TRIP10: variants seen among roughly 807,000 people sequenced by gnomAD.
The protein encoded by TRIP10 is cdc42-interacting protein 4.
Under a neutral mutation model 80.9 loss-of-function variants are expected in TRIP10, and 54 were observed. That is an observed-to-expected ratio of 0.67 (90% CI 0.54 to 0.84). The LOEUF is 0.84. Among genes scored for constraint, TRIP10 ranks in the 40% least tolerant of loss-of-function variants. The probability of loss-of-function intolerance (pLI) is 0.00; values close to 1 mark genes in which losing one functional copy is unlikely to be tolerated. For missense variants in TRIP10, 773 were observed against 815.3 expected, an observed-to-expected ratio of 0.95 and a Z score of 0.63; for synonymous variants, 321 against 307.2, an observed-to-expected ratio of 1.04 and a Z score of -0.47.
chr19:6,750,388 C>A lies in TRIP10; in HGVS notation c.1492C>A (p.Pro498Thr). The A allele has an allele frequency of 3.7e-6, 6 of 1,614,122 alleles. No homozygotes were observed. The highest frequency in any genetic ancestry group is 4.2e-6 in the Non-Finnish European group (5 of 1,180,014). Residue 498 changes from proline to threonine, a missense_variant, in exon 13 of 15, where the codon CCA (proline) becomes ACA (threonine). Physicochemically the swap from Pro to Thr is conservative, Grantham distance 38. Transcript: ENST00000313244. ...RPPDPPASAP[P>T]DSSSNSASQD... ...TCCCGACCCCCCCGCTAGCGCCCCG[C>A]CAGACAGCAGCAGCAACAGCGCATC...
At position 6,751,206 on chromosome 19, in the gene TRIP10, A is replaced by G; in HGVS notation, c.1801A>G (p.Asn601Asp). ...VPTSYLRVTLN is the reference protein window; with the variant it reads ...VPTSYLRVTLD ...CACCTCCTACCTCCGAGTCACGCTC[A>G]ATTGAACCCTGCCAGAGACGGGAAG... The change falls in exon 15 of 15, where the codon AAT (asparagine) becomes GAT (aspartate). Residue 601 changes from asparagine (N) to aspartate (D), a missense_variant. Asn to Asp is a conservative substitution (Grantham distance 23). Coordinates refer to ENST00000313244, the MANE Select transcript of TRIP10 (RefSeq NM_001288962.2). 1 of 1,613,948 alleles carries G rather than the reference A, an allele frequency of 6.2e-7. No individual in the cohort carries two copies. Among genetic ancestry groups the G allele is most frequent in the South Asian group, 1.1e-5 (1 of 91,064 alleles).
At chr19:6,743,992 C>A in intron 7 of TRIP10, 156 bp downstream of exon 7, 1 of 1,006,080 alleles carries the variant, frequency 9.9e-7, no homozygotes, top group Non-Finnish European at 1.5e-6. Context: ...TTTTAGTCAG[C>A]TGTTCTTCCT....
chr19:6,748,772 G>C (rs1016805924), intron 11 of TRIP10: 1 of 152,146 alleles, frequency 6.6e-6, no homozygotes, highest in Admixed American at 6.6e-5. Flanking sequence ...CAGCCTGGGC[G>C]ACAGAGTGAG....
rs528468677 is a variant in TRIP10, at chr19:6,751,383, T to C, written c.*172T>C. The C allele has an allele frequency of 1.0e-5, 14 of 1,375,972 alleles. No homozygotes were observed. The African/African-American group carries it at 1.8e-4, about 18-fold the overall frequency. 85.2% of individuals were successfully genotyped at this position (1,375,972 alleles called of 1,614,324 possible). On this transcript the variant is annotated 3_prime_UTR_variant, in exon 15 of 15. Coordinates refer to ENST00000313244, the MANE Select transcript of TRIP10 (RefSeq NM_001288962.2). Reference sequence around the variant, plus strand: ...TACCTGTCACACCGGACGGACCCGCTGTGCCTTCTACCATCGTTCCACCAT... The same window carrying C: ...TACCTGTCACACCGGACGGACCCGCCGTGCCTTCTACCATCGTTCCACCAT...
In TRIP10 at chr19:6,746,390, G is replaced by A; in HGVS notation, c.1153-62G>A. On this transcript the variant is annotated intron_variant, in intron 10 of 14. Transcript: ENST00000313244. This position sits in a 1 kb window ranked among gnomAD's most constrained non-coding sequence, Gnocchi z 6.2. ...GGAAGGGAGTGAAATATCTCAGACG[G>A]GTGCAGAGTCTGGCAGGCTAGACTC... 1.3e-6 allele frequency: 2 copies of A among 1,589,524 alleles called. No individual in the cohort carries two copies. Among genetic ancestry groups the A allele is most frequent in the South Asian group, 2.2e-5 (2 of 89,844 alleles).
At position 6,744,092 on chromosome 19, in the gene TRIP10, A is replaced by G. The variant is rs1191162380; in HGVS notation, c.642+256A>G. On this transcript the variant is annotated intron_variant, in intron 7 of 14. Coordinates refer to ENST00000313244, the MANE Select transcript of TRIP10 (RefSeq NM_001288962.2). The surrounding 1 kb of genome is among the most constrained non-coding windows in gnomAD (Gnocchi z 4.9). Reference sequence around the variant, plus strand: ...ACCCGGGCAGGAGTGCAGTGGCATAATCACAGCTCACTGCAGCCTGGAACC... The same window carrying G: ...ACCCGGGCAGGAGTGCAGTGGCATAGTCACAGCTCACTGCAGCCTGGAACC... 6.6e-6 allele frequency among the ~76,000 whole-genome samples: 1 copy of G among 152,074 alleles called. No homozygotes were observed. Among genetic ancestry groups the G allele is most frequent in the Non-Finnish European group, 1.5e-5 (1 of 67,994 alleles).
Position 6,741,125 on chromosome 19 carries a change from G to T in TRIP10, c.140G>T (p.Arg47Leu). The change falls in exon 2 of 15, where the codon CGG becomes CTG. Residue 47 changes from arginine to leucine, a missense_variant and splice_region_variant. Arg to Leu is a moderately radical substitution (Grantham distance 102). Transcript: ENST00000313244. ...EVEQAYAKQLRSLVKKYLPKR... is the reference protein window; with the variant it reads ...EVEQAYAKQLLSLVKKYLPKR... ...GAACAGGCTTACGCCAAACAACTGC[G>T]GTGAGACCCTGGGGTGGACGCTACG... 1 of 1,614,168 alleles carries T rather than the reference G, an allele frequency of 6.2e-7. No homozygotes were observed. The highest frequency in any genetic ancestry group is 8.5e-7 in the Non-Finnish European group (1 of 1,180,000).
Position 6,741,028 on chromosome 19 carries a change from G to C in TRIP10, c.43G>C (p.Glu15Gln). The change falls in exon 2 of 15, where the codon GAG becomes CAG. Residue 15 changes from glutamate (E) to glutamine (Q), a missense_variant. Glu to Gln is a conservative substitution (Grantham distance 29). Transcript: ENST00000313244. ...TELWDQFEVL[E>Q]RHTQWGLDLL... The stretch of plus-strand genomic sequence containing the variant: ...ATGTCAGGATCAGTTCGAGGTGCTC[G>C]AGCGCCACACGCAGTGGGGGCTGGA... 1 of 1,613,742 alleles carries C rather than the reference G, an allele frequency of 6.2e-7. No homozygotes were observed. The highest frequency in any genetic ancestry group is 8.5e-7 in the Non-Finnish European group (1 of 1,179,828).
rs376741923 is a variant in TRIP10 at position 6,743,521 on chromosome 19, C to T, written c.436C>T (p.Arg146Trp). The T allele has an allele frequency of 1.6e-5, 25 of 1,586,574 alleles. No homozygotes were observed. Among genetic ancestry groups the T allele is most frequent in the South Asian group, 7.7e-5 (7 of 90,520 alleles). The change falls in exon 6 of 15, where the codon CGG (arginine) becomes TGG (tryptophan). Residue 146 changes from arginine to tryptophan, a missense_variant. Transcript: ENST00000313244. ...TAAGCGTAAATTTGAGCGGGACTGC[C>T]GGGAGGCAGAGAAGGCAGCCCAGAC... Reference protein sequence around the residue: ...NSKRKFERDCREAEKAAQTAE... With the variant: ...NSKRKFERDCWEAEKAAQTAE...
chr19:6,743,619 G>C (rs746450921), intron 6 of TRIP10, 21 bp downstream of exon 6: 2 of 1,392,312 alleles, frequency 1.4e-6, no homozygotes, highest in African/African-American at 1.4e-5. Context: ...CGGGGGCGGG[G>C]GGGGGGTGCG....
At chr19:6,742,822 G>C (rs1377089932) in intron 3 of TRIP10, 145 bp from the exon 4 acceptor site, 1 of 1,106,840 alleles carries the variant, frequency 9.0e-7, no homozygotes, top group Non-Finnish European at 1.3e-6. Flanking sequence ...TTGGGGTTAA[G>C]GAATATGGAC....
rs369486957 is a variant in TRIP10, at chr19:6,744,770, G to C, written c.790-30G>C. On this transcript the variant is annotated intron_variant, in intron 8 of 14. Coordinates refer to ENST00000313244, the MANE Select transcript of TRIP10 (RefSeq NM_001288962.2). The surrounding 1 kb of genome is among the most constrained non-coding windows in gnomAD (Gnocchi z 4.9). ...GGAGGTACCCATAGGCTAGGCACTC[G>C]ACTGCTCATCCACTGTCCCCCTCCC... 1.1e-4 allele frequency: 173 copies of C among 1,602,260 alleles called. 1 individual carries two copies. Among genetic ancestry groups the C allele is most frequent in the Middle Eastern group, 1.7e-4 (1 of 6,028 alleles).
intron 5 of TRIP10, 113 bp downstream of exon 5, chr19:6,743,369 G>T: frequency 6.5e-7 from 1 of 1,529,724 alleles, no homozygotes. Context: ...CTCCCCCATA[G>T]GCTTCCAGTA....
In TRIP10 at chr19:6,746,272, C is replaced by T. The variant is rs1383010705; in HGVS notation, c.1152+76C>T. The T allele has an allele frequency of 2.0e-6, 3 of 1,482,682 alleles. No individual in the cohort carries two copies. The highest frequency in any genetic ancestry group is 1.8e-6 in the Non-Finnish European group (2 of 1,110,382). The allele number at this position is 1,482,682 out of a possible 1,614,324, so 91.8% of individuals were successfully genotyped here. ...GGCGGGTGGCGGGACCCTGGGCTCG[C>T]TTCCTGCCGCTGGCTGGGCCCCTCT... is the stretch of plus-strand genomic sequence containing the variant. On this transcript the variant is annotated intron_variant, in intron 10 of 14. Coordinates refer to ENST00000313244, the MANE Select transcript of TRIP10 (RefSeq NM_001288962.2). The surrounding 1 kb of genome is among the most constrained non-coding windows in gnomAD (Gnocchi z 6.2).
In TRIP10 at chr19:6,741,245, T is replaced by C; in HGVS notation, c.161T>C (p.Leu54Pro). The C allele has an allele frequency of 6.2e-7, 1 of 1,611,892 alleles. No individual in the cohort carries two copies. ...CTTAGGAGCCTGGTGAAAAAATATC[T>C]GCCCAAGAGACCTGCCAAGGATGAT... The part of the protein sequence containing the change: ...KQLRSLVKKY[L>P]PKRPAKDDPE... Residue 54 changes from leucine (L) to proline (P), a missense_variant, in exon 3 of 15, where the codon CTG becomes CCG. Leu to Pro is a moderately conservative substitution (Grantham distance 98). Transcript: ENST00000313244.
intron 3 of TRIP10, 27 bp downstream of exon 3, chr19:6,741,308 T>G (rs1180677889): frequency 2.5e-6 from 4 of 1,593,400 alleles, no homozygotes; most frequent in Non-Finnish European, 3.4e-6. Flanking sequence ...GCTGCAGGGC[T>G]AGATTTGTGG....
Position 6,744,311 on chromosome 19 carries a change from T to A in TRIP10, c.643-243T>A, listed in dbSNP as rs1459963904. Among the ~76,000 whole-genome samples, 1 of 152,142 alleles carries A rather than the reference T, an allele frequency of 6.6e-6. No homozygotes were observed. The highest frequency in any genetic ancestry group is 1.9e-4 in the East Asian group (1 of 5,192). On this transcript the variant is annotated intron_variant, in intron 7 of 14. Coordinates refer to ENST00000313244, the MANE Select transcript of TRIP10 (RefSeq NM_001288962.2). This position sits in a 1 kb window ranked among gnomAD's most constrained non-coding sequence, Gnocchi z 4.9. ...TTTTCTTCAAATCCCTGTTCCCTTG[T>A]CTCCTCCTTTGAGAAGCCTTTGCTG...
At position 6,741,225 on chromosome 19, in the gene TRIP10, G is replaced by A. The variant is rs1443055943; in HGVS notation, c.141G>A (p.Arg47=). ...EVEQAYAKQL[R]SLVKKYLPKR... is the part of the protein sequence containing the mutation. Reference sequence around the variant, plus strand: ...CCCTCCTACCTCTGTCTCCCCTTAGGAGCCTGGTGAAAAAATATCTGCCCA... The same window carrying A: ...CCCTCCTACCTCTGTCTCCCCTTAGAAGCCTGGTGAAAAAATATCTGCCCA... Residue 47 remains arginine (R), a splice_region_variant and synonymous_variant, in exon 3 of 15, where the codon CGG becomes CGA. Transcript: ENST00000313244. The A allele has an allele frequency of 9.9e-6, 16 of 1,612,342 alleles. No homozygotes were observed. Among genetic ancestry groups the A allele is most frequent in the Non-Finnish European group, 1.4e-5 (16 of 1,179,148 alleles).
chr19:6,741,298 G>T lies in TRIP10; in HGVS notation c.197+17G>T. 6.2e-7 allele frequency: 1 copy of T among 1,600,392 alleles called. No homozygotes were observed. Among genetic ancestry groups the T allele is most frequent in the Non-Finnish European group, 8.5e-7 (1 of 1,173,264 alleles). On this transcript the variant is annotated intron_variant, in intron 3 of 14. Coordinates refer to ENST00000313244, the MANE Select transcript of TRIP10 (RefSeq NM_001288962.2). ...TGAGTCCAAGTAAGGTTGGAGAGGGGCTGCAGGGCTAGATTTGTGGGGAAA... is the reference window on the plus strand; with the variant it reads ...TGAGTCCAAGTAAGGTTGGAGAGGGTCTGCAGGGCTAGATTTGTGGGGAAA...
Sources: allele counts gnomAD v4.1 joint callset (sites outside exome capture counted in the v4.1 genomes callset), GRCh38; gene constraint gnomAD v4.1.1; non-coding constraint Gnocchi (gnomAD v3.1); transcripts MANE v1.5; gene names NCBI Gene and HGNC (gene_info 2026-07-23, HGNC 2026-07-21).